Variants in NAF1 observed in about 807,000 individuals in gnomAD.
NAF1 encodes the protein H/ACA ribonucleoprotein complex non-core subunit NAF1.
Under a neutral mutation model 40.6 loss-of-function variants are expected in NAF1, and 11 were observed. The ratio of observed to expected loss-of-function variants is 0.27; its 90% CI spans 0.17 to 0.45. NAF1 has a LOEUF of 0.45. NAF1 is among the 20% of genes least tolerant of loss of function. NAF1 has a pLI of 1.00. For missense variants in NAF1, 607 were observed against 611.1 expected (o/e 0.99, Z 0.07); for synonymous variants, 260 against 228.5 (o/e 1.14, Z -1.24).
chr4:163,141,083 T>G (rs7661774), intron 4 of NAF1, among the ~76,000 whole-genome samples: 6,619 of 152,318 alleles, frequency 0.043, 182 homozygotes, highest in East Asian at 0.064. Flanking sequence ...ATATATTTTC[T>G]GGCTGGGCGC....
chr4:163,164,189 A>G, intron 2 of NAF1, 28 bp downstream of exon 2: 1 of 1,490,196 alleles, frequency 6.7e-7, no homozygotes, highest in Non-Finnish European at 8.9e-7. Context: ...AAACATGCAA[A>G]CTAAGCTTAA....
chr4:163,114,653 T>C (rs1434195182), intron 2 of NAF1, among the ~76,000 whole-genome samples: 1 of 152,218 alleles, frequency 6.6e-6, no homozygotes, highest in East Asian at 1.9e-4. Context: ...TTTTTATATC[T>C]ACATTTGTGA....
chr4:163,122,451 C>A (rs1409519801), downstream of NAF1, among the ~76,000 whole-genome samples: 1 of 152,184 alleles, frequency 6.6e-6, no homozygotes, highest in Non-Finnish European at 1.5e-5. Context: ...GACCTGTACA[C>A]AGGCACCATG....
chr4:163,134,598 T>C lies in NAF1; in HGVS notation c.931-1342A>G, dbSNP rs535410715. 3.3e-5 allele frequency among the ~76,000 whole-genome samples: 5 copies of C among 152,294 alleles called. No homozygotes were observed. In the South Asian group the frequency reaches 1.0e-3, roughly 32 times the overall value. On this transcript the variant is annotated intron_variant, in intron 6 of 7. Transcript: ENST00000274054. Reference sequence around the variant, plus strand: ...ACAATGAACAAGTGCTACGACTTAATGCTATGTTATTATAGTGCTGGATAA... The same window carrying C: ...ACAATGAACAAGTGCTACGACTTAACGCTATGTTATTATAGTGCTGGATAA...
chr4:163,120,860 C>T (rs1730498814), intron 2 of NAF1, among the ~76,000 whole-genome samples: 1 of 152,046 alleles, frequency 6.6e-6, no homozygotes, highest in Non-Finnish European at 1.5e-5. Context: ...AATTTTATTG[C>T]TGCTAGTAGC....
Position 163,145,799 on chromosome 4 carries a change from G to C in NAF1, c.700C>G (p.Arg234Gly). Residue 234 changes from arginine (R) to glycine (G), a missense_variant, in exon 4 of 8, where the codon CGA (arginine) becomes GGA (glycine). This residue lies in a region of NAF1 where 407 missense variants were observed against 365.5 expected (regional missense o/e 1.11). Transcript: ENST00000274054. ...TTACAAACCTTTCCTGCTGCTTGTC[G>C]ATCACTTTTAAAAATTACAGTCTCC... is the stretch of plus-strand genomic sequence containing the variant. ...NEETVIFKSD[R>G]QAAGKIFEIF... The C allele has an allele frequency of 6.3e-7, 1 of 1,584,276 alleles. No homozygotes were observed. Among genetic ancestry groups the C allele is most frequent in the Non-Finnish European group, 8.6e-7 (1 of 1,159,488 alleles).
intron 1 of NAF1, among the ~76,000 whole-genome samples, 162 bp downstream of exon 1, chr4:163,166,201 G>C (rs1259925287): frequency 6.6e-6 from 1 of 152,176 alleles, no homozygotes; most frequent in African/African-American, 2.4e-5. Context: ...CAGCGAATAA[G>C]GGGCAGTCGG....
the NAF1 span, among the ~76,000 whole-genome samples, chr4:163,105,061 C>T: frequency 6.6e-6 from 1 of 152,252 alleles, no homozygotes; most frequent in Admixed American, 6.5e-5. Flanking sequence ...GATCAGCAGC[C>T]CTCTACTATT....
intron 7 of NAF1, 59 bp downstream of exon 7, chr4:163,133,095 T>A (rs932242027): frequency 1.0e-5 from 14 of 1,375,658 alleles, no homozygotes; most frequent in Admixed American, 9.1e-5. Context: ...TTATTATTGA[T>A]AAACTTATAT....
chr4:163,123,544 G>A (rs1165364937), downstream of NAF1, among the ~76,000 whole-genome samples: 4 of 152,076 alleles, frequency 2.6e-5, no homozygotes, highest in Admixed American at 2.6e-4. Context: ...ACCATGCTCG[G>A]CTAATTTTTG....
At chr4:163,151,650 A>G (rs1308214445) in intron 2 of NAF1, among the ~76,000 whole-genome samples, 1 of 152,128 alleles carries the variant, frequency 6.6e-6, no homozygotes, top group Non-Finnish European at 1.5e-5. Flanking sequence ...AAAACATTTC[A>G]ATATTTGAGA....
intron 2 of NAF1, among the ~76,000 whole-genome samples, chr4:163,121,180 C>T (rs908286796): frequency 6.6e-6 from 1 of 152,122 alleles, no homozygotes; most frequent in Non-Finnish European, 1.5e-5. Flanking sequence ...TGTGAGCCAC[C>T]CCGCCCAGCC....
intron 3 of NAF1, among the ~76,000 whole-genome samples, chr4:163,146,850 C>T (rs1222617184): frequency 6.6e-6 from 1 of 152,074 alleles, no homozygotes; most frequent in Admixed American, 6.6e-5. Context: ...CTCTTTATTC[C>T]CATTAGGTTG....
At chr4:163,153,252 A>AGGCAGCTCCACC (rs1415013912) in intron 2 of NAF1, among the ~76,000 whole-genome samples, 3 of 152,216 alleles carry the variant, frequency 2.0e-5, no homozygotes, top group African/African-American at 7.2e-5. Context: ...TGGGACTGGC[A>AGGCAGCTCCACC]GGCAGCTCCA....
chr4:163,143,257 A>G (rs899536268), intron 4 of NAF1, among the ~76,000 whole-genome samples: 1 of 152,196 alleles, frequency 6.6e-6, no homozygotes, highest in Non-Finnish European at 1.5e-5. Flanking sequence ...AAGATCTCCA[A>G]GGATTCCTAT....
chr4:163,112,903 A>C (rs186052863), intron 2 of NAF1, among the ~76,000 whole-genome samples: 1 of 152,198 alleles, frequency 6.6e-6, no homozygotes, highest in African/African-American at 2.4e-5. Context: ...GGAAAAAAAT[A>C]TTGCAGCTTT....
At chr4:163,104,642 C>A in the NAF1 span, among the ~76,000 whole-genome samples, 1 of 152,106 alleles carries the variant, frequency 6.6e-6, no homozygotes, top group Non-Finnish European at 1.5e-5. Context: ...CTCACCCATC[C>A]CAGACACTGA....
intron 2 of NAF1, among the ~76,000 whole-genome samples, chr4:163,158,928 T>C (rs980829663): frequency 3.3e-5 from 5 of 152,124 alleles, no homozygotes; most frequent in Admixed American, 1.3e-4. Flanking sequence ...ACCATTCATC[T>C]GACATTCAAC....
At chr4:163,158,840 A>G (rs1310124813) in intron 2 of NAF1, among the ~76,000 whole-genome samples, 2 of 152,220 alleles carry the variant, frequency 1.3e-5, no homozygotes, top group East Asian at 3.9e-4. Context: ...AAAATGCCAC[A>G]GAGTATTAGC....
Sources: allele counts gnomAD v4.1 joint callset (sites outside exome capture counted in the v4.1 genomes callset), GRCh38; gene constraint gnomAD v4.1.1; regional missense constraint gnomAD v4.1.1; transcripts MANE v1.5; gene names NCBI Gene and HGNC (gene_info 2026-07-23, HGNC 2026-07-21).